MORC1: variants seen among roughly 807,000 people sequenced by gnomAD.
The protein encoded by MORC1 is MORC family CW-type zinc finger 1, also known as MORC family CW-type zinc finger protein 1.
In MORC1, 59 loss-of-function variants were observed where a neutral mutation model predicts 134.9. The observed-to-expected ratio is 0.44, with a 90% CI of 0.35 to 0.54. The LOEUF is 0.54. MORC1 is among the 20% of genes least tolerant of loss of function. The probability of loss-of-function intolerance (pLI) is 0.00; values close to 1 mark genes in which losing one functional copy is unlikely to be tolerated. For synonymous variants in MORC1, 395 were observed against 391.7 expected (o/e 1.01, Z -0.10); for missense variants, 947 against 1,134.5 (o/e 0.83, Z 2.37).
chr3:109,061,737 C>G (rs1950088228), intron 11 of MORC1, among the ~76,000 whole-genome samples: 1 of 152,076 alleles, frequency 6.6e-6, no homozygotes, highest in African/African-American at 2.4e-5. Context: ...ATGCTGTTCC[C>G]CACCATTTCA....
At chr3:108,997,832 AAC>A (rs1948278948) in intron 21 of MORC1, among the ~76,000 whole-genome samples, 1 of 152,120 alleles carries the variant, frequency 6.6e-6, no homozygotes, top group African/African-American at 2.4e-5. Context: ...TGAAACATGG[AAC>A]AGAGAAAAAT....
At chr3:109,035,249 T>A in intron 15 of MORC1, 91 bp downstream of exon 15, 1 of 1,217,860 alleles carries the variant, frequency 8.2e-7, no homozygotes, top group Non-Finnish European at 1.2e-6. Flanking sequence ...TGTCTTACCT[T>A]TGTCTCCCTC....
chr3:109,033,390 C>A (rs1367322530), intron 15 of MORC1, among the ~76,000 whole-genome samples: 2 of 152,078 alleles, frequency 1.3e-5, no homozygotes, highest in Admixed American at 6.6e-5. Flanking sequence ...TCTGTACTTT[C>A]TTCTGTTCTT....
At chr3:109,113,439 C>CA (rs1951209563) in intron 2 of MORC1, among the ~76,000 whole-genome samples, 1 of 152,142 alleles carries the variant, frequency 6.6e-6, no homozygotes, top group African/African-American at 2.4e-5. Flanking sequence ...GTCACACTCT[C>CA]AGAAGGGTCA....
At chr3:109,004,575 A>G (rs770399043) in intron 20 of MORC1, among the ~76,000 whole-genome samples, 1 of 152,198 alleles carries the variant, frequency 6.6e-6, no homozygotes, top group Non-Finnish European at 1.5e-5. Flanking sequence ...TTTTCAAAGA[A>G]GTAAACTCAT....
At chr3:109,104,999 C>T (rs990479656) in intron 3 of MORC1, among the ~76,000 whole-genome samples, 3 of 152,136 alleles carry the variant, frequency 2.0e-5, no homozygotes, top group African/African-American at 7.2e-5. Flanking sequence ...GTCCCATCAC[C>T]CTCACCTTAC....
At chr3:109,036,609 T>C (rs979314292) in intron 14 of MORC1, among the ~76,000 whole-genome samples, 4 of 152,286 alleles carry the variant, frequency 2.6e-5, no homozygotes, top group Middle Eastern at 3.4e-3. Flanking sequence ...CATACGGCTA[T>C]GTAATCCATG....
chr3:109,076,835 G>A (rs57480209), intron 8 of MORC1, among the ~76,000 whole-genome samples: 4,823 of 152,162 alleles, frequency 0.032, 241 homozygotes, highest in African/African-American at 0.11. Context: ...CGGGGGATCG[G>A]GGACTAGGGG....
At chr3:109,044,944 C>CAAA (rs375280662) in intron 14 of MORC1, among the ~76,000 whole-genome samples, 4 of 64,202 alleles carry the variant, frequency 6.2e-5, no homozygotes, top group African/African-American at 1.2e-4. Context: ...GACTCTGTCT[C>CAAA]AAAAAAAAAA....
intron 8 of MORC1, among the ~76,000 whole-genome samples, chr3:109,084,438 AT>A (rs1467190362): frequency 3.3e-5 from 5 of 152,252 alleles, no homozygotes; most frequent in Non-Finnish European, 5.9e-5. Flanking sequence ...CTAGAAGTCA[AT>A]TTAGCCAAAG....
chr3:108,970,949 G>C (rs913012839), intron 25 of MORC1, among the ~76,000 whole-genome samples: 16 of 152,098 alleles, frequency 1.1e-4, no homozygotes, highest in African/African-American at 3.1e-4. Flanking sequence ...TGGTGATTTC[G>C]GTAAGATTAG....
intron 17 of MORC1, 24 bp from the exon 18 acceptor site, chr3:109,007,115 A>G (rs746780736): frequency 1.3e-6 from 2 of 1,583,556 alleles, no homozygotes; most frequent in Non-Finnish European, 1.7e-6. Flanking sequence ...CAAACCATTA[A>G]GGCAAATGTA....
At chr3:109,085,632 A>G (rs927423974) in intron 8 of MORC1, among the ~76,000 whole-genome samples, 53 of 151,952 alleles carry the variant, frequency 3.5e-4, no homozygotes, top group African/African-American at 1.2e-3. Flanking sequence ...GGATGTGGAG[A>G]AAGGGGAACC....
At chr3:109,105,946 C>T (rs895781857) in intron 3 of MORC1, among the ~76,000 whole-genome samples, 2 of 152,132 alleles carry the variant, frequency 1.3e-5, no homozygotes, top group African/African-American at 4.8e-5. Context: ...TCAGGACATT[C>T]CTCCTCTCCC....
chr3:108,996,286 G>GCGCACACACACACACACACACA, intron 21 of MORC1, among the ~76,000 whole-genome samples: 19 of 146,468 alleles, frequency 1.3e-4, no homozygotes, highest in Middle Eastern at 3.5e-3. Flanking sequence ...GCGCGCGCGC[G>GCGCACACACACACACACACACA]CACACACACA....
In MORC1 at chr3:109,069,624, T is replaced by C. The variant is rs767521085; in HGVS notation, c.815+8A>G. On this transcript the variant is annotated splice_region_variant and intron_variant, in intron 9 of 27. Transcript: ENST00000232603. Reference sequence around the variant, plus strand: ...CTCTGTGAAGATAACTGAAGAAAGATGAGTTACCTGGGTCTGTAGAGGCAA... The same window carrying C: ...CTCTGTGAAGATAACTGAAGAAAGACGAGTTACCTGGGTCTGTAGAGGCAA... 2 of 1,557,374 alleles carry C rather than the reference T, an allele frequency of 1.3e-6. No individual in the cohort carries two copies. Among genetic ancestry groups the C allele is most frequent in the Admixed American group, 1.8e-5 (1 of 54,960 alleles).
chr3:109,008,757 A>G (rs1029369382), intron 17 of MORC1, among the ~76,000 whole-genome samples: 10 of 152,180 alleles, frequency 6.6e-5, no homozygotes, highest in African/African-American at 2.4e-4. Flanking sequence ...GACAGGATCT[A>G]TGTATTTCCT....
At position 109,082,885 on chromosome 3, in the gene MORC1, T is replaced by C. The variant is rs147603558; in HGVS notation, c.689+10551A>G. On this transcript the variant is annotated intron_variant, in intron 8 of 27. Coordinates refer to ENST00000232603, the MANE Select transcript of MORC1 (RefSeq NM_014429.4). ...TACTCAAAGAAATAATAACAGAAAA[T>C]TTTCCCAAACTTGAGAAAGAGACCA... is the stretch of plus-strand genomic sequence containing the variant. Among the ~76,000 whole-genome samples, 782 of 151,830 alleles carry C rather than the reference T, an allele frequency of 5.2e-3. 18 individuals are homozygous for C. Among genetic ancestry groups the C allele is most frequent in the African/African-American group, 0.018 (750 of 41,408 alleles).
chr3:109,110,150 T>C (rs1299350986), intron 3 of MORC1: 2 of 152,346 alleles, frequency 1.3e-5, no homozygotes, highest in Non-Finnish European at 2.9e-5. Flanking sequence ...GCATATCCTC[T>C]CACCCGTGAC....
Sources: allele counts gnomAD v4.1 joint callset (sites outside exome capture counted in the v4.1 genomes callset), GRCh38; gene constraint gnomAD v4.1.1; transcripts MANE v1.5; gene names NCBI Gene and HGNC (gene_info 2026-07-23, HGNC 2026-07-21).